The following PARD3B variants were observed in gnomAD, a reference collection of about 807,000 sequenced individuals.
PARD3B encodes partitioning defective 3 homolog B.
A neutral mutation model predicts 130.2 loss-of-function variants in PARD3B; 103 were observed. The observed-to-expected ratio is 0.79, with a 90% CI of 0.67 to 0.93. The LOEUF is 0.93. Among genes scored for constraint, PARD3B ranks in the 40% least tolerant of loss-of-function variants. The pLI, the probability that PARD3B is intolerant of heterozygous loss-of-function variation, is 0.00. For synonymous variants in PARD3B, 583 were observed against 553.2 expected (o/e 1.05, Z -0.76); for missense variants, 1,609 against 1,499.2 (o/e 1.07, Z -1.21).
intron 4 of PARD3B, among the ~76,000 whole-genome samples, chr2:205,070,190 C>G (rs997783949): frequency 2.0e-5 from 3 of 152,082 alleles, no homozygotes; most frequent in African/African-American, 7.2e-5. Context: ...ACTTGCAAGA[C>G]AGAAGCTATG....
At chr2:204,904,270 A>G (rs1312209298) in intron 2 of PARD3B, among the ~76,000 whole-genome samples, 1 of 152,174 alleles carries the variant, frequency 6.6e-6, no homozygotes, top group Non-Finnish European at 1.5e-5. Context: ...GTTCAACATA[A>G]TCACTGTTAA....
intron 4 of PARD3B, among the ~76,000 whole-genome samples, chr2:205,100,689 A>C (rs1250910451): frequency 6.6e-6 from 1 of 152,136 alleles, no homozygotes; most frequent in Non-Finnish European, 1.5e-5. Context: ...ATACCCTTAC[A>C]TTTTTGGAAA....
rs191717499 is a variant in PARD3B, at chr2:205,187,801, G to A, written c.2024+1938G>A. On this transcript the variant is annotated intron_variant, in intron 14 of 22. Coordinates refer to ENST00000406610, the MANE Select transcript of PARD3B (RefSeq NM_001302769.2). This position sits in a 1 kb window ranked among gnomAD's most constrained non-coding sequence, Gnocchi z 4.9. ...TTTTCACGTCTTCCTTCCTAGTCCC[G>A]TGTGTTTTAGGCCTCTGTTCTCACT... Among the ~76,000 whole-genome samples, 314 of 152,126 alleles carry A rather than the reference G, an allele frequency of 2.1e-3. No individual in the cohort carries two copies. Among genetic ancestry groups the A allele is most frequent in the African/African-American group, 7.1e-3 (295 of 41,496 alleles).
intron 3 of PARD3B, among the ~76,000 whole-genome samples, chr2:205,032,771 G>A (rs996723512): frequency 6.6e-6 from 1 of 152,130 alleles, no homozygotes; most frequent in African/African-American, 2.4e-5. Context: ...AGAGATAACA[G>A]TGGCTCCAAA....
chr2:204,698,807 C>T (rs555918408), intron 2 of PARD3B, among the ~76,000 whole-genome samples: 2 of 152,064 alleles, frequency 1.3e-5, no homozygotes, highest in Admixed American at 6.6e-5. Flanking sequence ...AAAATTGTAG[C>T]GTTCCTCCTT....
At chr2:205,419,559 A>G (rs907478548) in intron 19 of PARD3B, among the ~76,000 whole-genome samples, 2 of 152,182 alleles carry the variant, frequency 1.3e-5, no homozygotes, top group Non-Finnish European at 2.9e-5. Context: ...CCATCTATTG[A>G]CATAGATAAG....
At chr2:205,053,358 C>T (rs1313030908) in intron 4 of PARD3B, among the ~76,000 whole-genome samples, 1 of 142,812 alleles carries the variant, frequency 7.0e-6, no homozygotes, top group Admixed American at 6.8e-5. Flanking sequence ...CAACATAAGG[C>T]AGGGTACAGT....
chr2:204,554,116 A>G (rs1415275516), intron 1 of PARD3B, among the ~76,000 whole-genome samples: 1 of 152,028 alleles, frequency 6.6e-6, no homozygotes, highest in Non-Finnish European at 1.5e-5. Context: ...CTTTTTTCCT[A>G]TCTATTGTCC....
rs185693685 is a variant in PARD3B at position 204,804,067 on chromosome 2, C to A, written c.222+117785C>A. ...TGTCTACCAGAAAAAACAACAACAA[C>A]AAAAAAATAAATTAGCCAGGTGTGT... On this transcript the variant is annotated intron_variant, in intron 2 of 22. Coordinates refer to ENST00000406610, the MANE Select transcript of PARD3B (RefSeq NM_001302769.2). Among the ~76,000 whole-genome samples, 569 of 151,982 alleles carry A rather than the reference C, an allele frequency of 3.7e-3. 6 individuals carry two copies. Among genetic ancestry groups the A allele is most frequent in the African/African-American group, 0.013 (519 of 41,498 alleles).
intron 18 of PARD3B, among the ~76,000 whole-genome samples, chr2:205,324,794 C>G (rs754424106): frequency 2.6e-5 from 4 of 152,082 alleles, no homozygotes; most frequent in Non-Finnish European, 4.4e-5. Flanking sequence ...AGTCTGTAAA[C>G]CAGACTCCAC....
intron 16 of PARD3B, among the ~76,000 whole-genome samples, chr2:205,279,089 A>AAAAC (rs1559616127): frequency 1.3e-5 from 2 of 149,396 alleles, no homozygotes; most frequent in Non-Finnish European, 3.0e-5. Flanking sequence ...AAAAAAAAAA[A>AAAAC]AAAAAAACAG....
intron 10 of PARD3B, among the ~76,000 whole-genome samples, chr2:205,140,474 G>A (rs1368645479): frequency 2.9e-5 from 4 of 139,246 alleles, no homozygotes; most frequent in Admixed American, 7.1e-5. Context: ...AAAAAAAAAA[G>A]GAAGACCGTT....
At chr2:205,284,509 TGAAA>T (rs1200936246) in intron 16 of PARD3B, among the ~76,000 whole-genome samples, 2 of 152,176 alleles carry the variant, frequency 1.3e-5, no homozygotes, top group Non-Finnish European at 2.9e-5. Flanking sequence ...CCTTTTGACC[TGAAA>T]GAGTTAATGC....
intron 15 of PARD3B, among the ~76,000 whole-genome samples, chr2:205,196,159 G>A (rs113428844): frequency 0.015 from 2,313 of 152,212 alleles, 46 homozygotes; most frequent in African/African-American, 0.038. Flanking sequence ...TCTAAAATGT[G>A]AGTGCTCCTA....
At chr2:204,829,235 AC>A (rs2043712575) in intron 2 of PARD3B, among the ~76,000 whole-genome samples, 1 of 152,228 alleles carries the variant, frequency 6.6e-6, no homozygotes, top group South Asian at 2.1e-4. Flanking sequence ...TAGTTAACCA[AC>A]ATTTACTGAA....
At chr2:204,621,588 T>C (rs988521317) in intron 1 of PARD3B, among the ~76,000 whole-genome samples, 51 of 152,196 alleles carry the variant, frequency 3.4e-4, no homozygotes, top group African/African-American at 1.2e-3. Context: ...TATTGATTTG[T>C]TTTGGAAATT....
intron 19 of PARD3B, among the ~76,000 whole-genome samples, chr2:205,416,452 G>A (rs2046779262): frequency 6.6e-6 from 1 of 152,128 alleles, no homozygotes; most frequent in Admixed American, 6.6e-5. Context: ...GGAGAAACAG[G>A]GAGATGTTGA....
rs186530457 is a variant in PARD3B, at chr2:205,409,247, A to G, written c.2741+8124A>G. ...TTGATGCTCGTGTAAAGGTAAAAAT[A>G]TCCATCTTTCCTAGAATGAGAATTA... On this transcript the variant is annotated intron_variant, in intron 19 of 22. Transcript: ENST00000406610. Among the ~76,000 whole-genome samples the G allele has an allele frequency of 3.1e-4, 47 of 152,282 alleles. No homozygotes were observed. The East Asian group carries it at 6.9e-3, about 23-fold the overall frequency.
rs1549014 is a variant in PARD3B at position 204,671,407 on chromosome 2, C to G, written c.121-14774C>G. Among the ~76,000 whole-genome samples, 1,453 of 151,996 alleles carry G rather than the reference C, an allele frequency of 9.6e-3. 24 individuals carry two copies. Among genetic ancestry groups the G allele is most frequent in the African/African-American group, 0.033 (1,374 of 41,432 alleles). On this transcript the variant is annotated intron_variant, in intron 1 of 22. Coordinates refer to ENST00000406610, the MANE Select transcript of PARD3B (RefSeq NM_001302769.2). The stretch of plus-strand genomic sequence containing the variant: ...CTTCCTTAAAGAATTTGTCAGGCAG[C>G]TTTTGTTCACCATTTTCAGCCCCCA...
Sources: allele counts gnomAD v4.1 joint callset (sites outside exome capture counted in the v4.1 genomes callset), GRCh38; gene constraint gnomAD v4.1.1; non-coding constraint Gnocchi (gnomAD v3.1); transcripts MANE v1.5; gene names NCBI Gene and HGNC (gene_info 2026-07-23, HGNC 2026-07-21).